Variants in COLEC12 observed in about 807,000 individuals in gnomAD.
COLEC12 encodes the protein collectin-12.
In COLEC12, 33 loss-of-function variants were observed where a neutral mutation model predicts 71.1. The observed-to-expected ratio is 0.46, with a 90% CI of 0.35 to 0.62. COLEC12 has a LOEUF of 0.62. COLEC12 is among the 20% of genes least tolerant of loss of function. The pLI is 0.00. For missense variants in COLEC12, 765 were observed against 916.1 expected (o/e 0.84, Z 2.13); for synonymous variants, 350 against 353.0 (o/e 0.99, Z 0.10).
At chr18:453,171 C>T (rs1916795363) in intron 2 of COLEC12, among the ~76,000 whole-genome samples, 1 of 152,178 alleles carries the variant, frequency 6.6e-6, no homozygotes, top group South Asian at 2.1e-4. Flanking sequence ...ACTTAGCAAG[C>T]AAGAATTCTA....
intron 9 of COLEC12, among the ~76,000 whole-genome samples, chr18:321,433 T>C (rs1913702023): frequency 2.0e-5 from 3 of 152,250 alleles, no homozygotes; most frequent in African/African-American, 7.2e-5. Flanking sequence ...CGTTGAGTAC[T>C]TCCTACATGT....
intron 1 of COLEC12, among the ~76,000 whole-genome samples, chr18:497,383 G>GGTGTGTGTGTGTGTGTGTGT (rs10689788): frequency 2.0e-5 from 3 of 147,052 alleles, no homozygotes; most frequent in Admixed American, 1.3e-4. Flanking sequence ...TAAAGAATGG[G>GGTGTGTGTGTGTGTGTGTGT]GTGTGTGTGT....
At chr18:397,294 A>G (rs1009415579) in intron 2 of COLEC12, among the ~76,000 whole-genome samples, 2 of 152,182 alleles carry the variant, frequency 1.3e-5, no homozygotes, top group Admixed American at 1.3e-4. Flanking sequence ...GTAGGTTCCA[A>G]GCATTTTGAA....
At chr18:331,567 G>C (rs1390304540) in intron 8 of COLEC12, 101 bp downstream of exon 8, 2 of 732,164 alleles carry the variant, frequency 2.7e-6, no homozygotes, top group East Asian at 5.3e-5. Flanking sequence ...GAGCGTCTAG[G>C]ACACGAGGTC....
chr18:453,792 G>C (rs1916810006), intron 2 of COLEC12, among the ~76,000 whole-genome samples: 1 of 152,114 alleles, frequency 6.6e-6, no homozygotes, highest in Admixed American at 6.5e-5. Context: ...TTCAAAATCT[G>C]CTCCTCCCTT....
At position 442,011 on chromosome 18, in the gene COLEC12, A is replaced by G. The variant is rs1229442924; in HGVS notation, c.58+38696T>C. ...TGAGACTCTCTCTCTCTACACACAC[A>G]CACACACACACACACACACACACAC... On this transcript the variant is annotated intron_variant, in intron 2 of 9. Transcript: ENST00000400256. Among the ~76,000 whole-genome samples, 9 of 56,614 alleles carry G rather than the reference A, an allele frequency of 1.6e-4. No individual in the cohort carries two copies. In the South Asian group the frequency reaches 4.5e-3, roughly 28 times the overall value. The allele number at this position is 56,614 out of a possible 152,430, so 37.1% of individuals were successfully genotyped here. A position where few individuals can be genotyped will look rare whatever the true frequency, so the allele number is the denominator to read the frequency against.
intron 2 of COLEC12, among the ~76,000 whole-genome samples, chr18:440,178 A>G (rs1916486688): frequency 6.6e-6 from 1 of 152,200 alleles, no homozygotes. Flanking sequence ...AGAAACAGAA[A>G]GTAGAACAGT....
intron 2 of COLEC12, among the ~76,000 whole-genome samples, chr18:419,970 C>T (rs1157184201): frequency 6.6e-6 from 1 of 152,166 alleles, no homozygotes; most frequent in African/African-American, 2.4e-5. Flanking sequence ...TGTCTGACTG[C>T]CCTGAGGCTG....
At chr18:386,266 A>G (rs1029486212) in intron 2 of COLEC12, among the ~76,000 whole-genome samples, 3 of 152,204 alleles carry the variant, frequency 2.0e-5, no homozygotes, top group African/African-American at 4.8e-5. Context: ...GTTGAGCACC[A>G]ACTGTACAAG....
intron 2 of COLEC12, among the ~76,000 whole-genome samples, chr18:410,046 C>T (rs80092553): frequency 0.098 from 14,929 of 152,196 alleles, 783 homozygotes; most frequent in Admixed American, 0.14. Flanking sequence ...CTCTGTAAAT[C>T]GGGGTTAATA....
chr18:485,817 T>A (rs1917508709), intron 1 of COLEC12, among the ~76,000 whole-genome samples: 1 of 152,228 alleles, frequency 6.6e-6, no homozygotes, highest in South Asian at 2.1e-4. Context: ...AGAATTTACC[T>A]CTCATTCTTG....
chr18:415,523 G>C (rs1466164515), intron 2 of COLEC12, among the ~76,000 whole-genome samples: 1 of 149,366 alleles, frequency 6.7e-6, no homozygotes, highest in Non-Finnish European at 1.5e-5. Flanking sequence ...ACAAGATGCT[G>C]TTATTGTGGC....
chr18:484,771 T>C (rs962551742), intron 1 of COLEC12, among the ~76,000 whole-genome samples: 1 of 151,976 alleles, frequency 6.6e-6, no homozygotes, highest in East Asian at 1.9e-4. Flanking sequence ...CCCTTAAGAG[T>C]TGGGTGGATT....
At chr18:414,927 G>A (rs1279876142) in intron 2 of COLEC12, among the ~76,000 whole-genome samples, 1 of 152,198 alleles carries the variant, frequency 6.6e-6, no homozygotes, top group Non-Finnish European at 1.5e-5. Flanking sequence ...CACCTGCAAA[G>A]CAAGGAAGGA....
intron 5 of COLEC12, among the ~76,000 whole-genome samples, chr18:335,694 G>A (rs760139579): frequency 9.2e-5 from 14 of 152,194 alleles, no homozygotes; most frequent in Non-Finnish European, 1.3e-4. Flanking sequence ...CTCCAGAACC[G>A]TAAGGAAAGA....
intron 2 of COLEC12, among the ~76,000 whole-genome samples, chr18:429,929 C>A (rs1350740965): frequency 6.6e-6 from 1 of 152,198 alleles, no homozygotes; most frequent in Non-Finnish European, 1.5e-5. Flanking sequence ...TTGTTAATTT[C>A]CGTCTCTCCA....
intron 6 of COLEC12, 139 bp from the exon 7 acceptor site, chr18:333,282 G>A (rs1914026011): frequency 1.7e-5 from 11 of 649,354 alleles, no homozygotes; most frequent in South Asian, 1.0e-4. Flanking sequence ...CACAGCTGAC[G>A]TTCACGGACG....
intron 3 of COLEC12, among the ~76,000 whole-genome samples, chr18:349,509 GC>G: frequency 6.6e-6 from 1 of 152,322 alleles, no homozygotes; most frequent in East Asian, 1.9e-4. Flanking sequence ...TGGTGTCGGA[GC>G]CCCCACACAG....
chr18:478,531 T>C (rs1917347353), intron 2 of COLEC12, among the ~76,000 whole-genome samples: 1 of 152,178 alleles, frequency 6.6e-6, no homozygotes, highest in Admixed American at 6.5e-5. Flanking sequence ...GAGGATTGCT[T>C]GAGCCCAGGA....
Sources: allele counts gnomAD v4.1 joint callset (sites outside exome capture counted in the v4.1 genomes callset), GRCh38; gene constraint gnomAD v4.1.1; transcripts MANE v1.5; gene names NCBI Gene and HGNC (gene_info 2026-07-23, HGNC 2026-07-21).